FARP1: variants seen among roughly 807,000 people sequenced by gnomAD.
The protein encoded by FARP1 is FERM, ARH/RhoGEF and pleckstrin domain protein 1, also known as FERM, ARHGEF and pleckstrin domain-containing protein 1.
Under a neutral mutation model 128.8 loss-of-function variants are expected in FARP1, and 52 were observed. That is an observed-to-expected ratio of 0.40 (90% CI 0.32 to 0.51). The LOEUF (loss-of-function observed/expected upper bound fraction) is 0.51, where lower values mean the gene tolerates loss of function less well. Ranked by LOEUF, FARP1 falls within the 20% of genes least tolerant of loss-of-function variation. The probability of loss-of-function intolerance (pLI) is 0.45; values close to 1 mark genes in which losing one functional copy is unlikely to be tolerated. For synonymous variants in FARP1, 580 were observed against 551.8 expected, an observed-to-expected ratio of 1.05 and a Z score of -0.72; for missense variants, 1,333 against 1,367.9, an observed-to-expected ratio of 0.97 and a Z score of 0.40.
intron 6 of FARP1, chr13:98,384,002 C>T (rs1180138663): frequency 6.6e-6 from 1 of 152,180 alleles, no homozygotes; most frequent in African/African-American, 2.4e-5. Context: ...TTGCACTAGT[C>T]ATTGCTAATA....
At position 98,397,919 on chromosome 13, in the gene FARP1, A is replaced by AAAAAAAAAAGAAAG. The variant is rs61501785; in HGVS notation, c.1414+2443_1414+2444insAAAAAAAAAGAAAG. The AAAAAAAAAAGAAAG allele has an allele frequency of 4.8e-5, 6 of 124,304 alleles. 2 individuals are homozygous for AAAAAAAAAAGAAAG. The highest frequency in any genetic ancestry group is 5.0e-5 in the Non-Finnish European group (3 of 59,720). 7.7% of individuals were successfully genotyped at this position (124,304 alleles called of 1,614,324 possible). On this transcript the variant is annotated intron_variant, in intron 13 of 26. Coordinates refer to ENST00000319562, the MANE Select transcript of FARP1 (RefSeq NM_005766.4). ...TTTTTTGAAAAAAAAAAAAAAAAAA[A>AAAAAAAAAAGAAAG]GATAAATTGTAGAATAAAATTTTTA...
intron 2 of FARP1, among the ~76,000 whole-genome samples, chr13:98,287,637 A>G (rs972114006): frequency 6.6e-6 from 1 of 152,080 alleles, no homozygotes; most frequent in East Asian, 1.9e-4. Context: ...TTAAAAGCAC[A>G]TATTTCAACA....
At chr13:98,394,367 G>A (rs999793086) in intron 12 of FARP1, among the ~76,000 whole-genome samples, 4 of 152,244 alleles carry the variant, frequency 2.6e-5, no homozygotes, top group South Asian at 2.1e-4. Context: ...GCTGCCCTGA[G>A]AAGTATAAGC....
Position 98,438,822 on chromosome 13 carries a change from A to G in FARP1, c.2293A>G (p.Ser765Gly), listed in dbSNP as rs774490653. 14 of 1,612,818 alleles carry G rather than the reference A, an allele frequency of 8.7e-6. No individual in the cohort carries two copies. The highest frequency in any genetic ancestry group is 1.2e-5 in the Non-Finnish European group (14 of 1,179,972). Residue 765 changes from serine (S) to glycine (G), a missense_variant, in exon 20 of 27, where the codon AGC becomes GGC. By Grantham distance (56) the Ser-to-Gly change is moderately conservative (BLOSUM62 0). Coordinates refer to ENST00000319562, the MANE Select transcript of FARP1 (RefSeq NM_005766.4). ...VPGREFIRLG[S>G]LSKLSGKGLQ... Reference sequence around the variant, plus strand: ...CCTGCAGGAGTTCATCCGTCTGGGCAGCCTCAGCAAGCTCTCGGGGAAGGG... The same window carrying G: ...CCTGCAGGAGTTCATCCGTCTGGGCGGCCTCAGCAAGCTCTCGGGGAAGGG...
At chr13:98,246,201 T>C (rs375506634) in intron 2 of FARP1, among the ~76,000 whole-genome samples, 3,844 of 144,842 alleles carry the variant, frequency 0.027, 75 homozygotes, top group Middle Eastern at 0.05. Context: ...GTTCACGCCA[T>C]TCTCCTGCCT....
intron 6 of FARP1, chr13:98,383,722 A>C (rs1889978014): frequency 1.3e-5 from 2 of 152,214 alleles, no homozygotes; most frequent in South Asian, 4.1e-4. Context: ...GTGTACATTG[A>C]CCTTGAACTA....
intron 18 of FARP1, chr13:98,434,883 A>T (rs1337167702): frequency 1.3e-5 from 2 of 152,240 alleles, no homozygotes; most frequent in Non-Finnish European, 2.9e-5. Flanking sequence ...AATCCCAGCT[A>T]CTCGGGAGGC....
chr13:98,268,474 C>A (rs1884234221), intron 2 of FARP1, among the ~76,000 whole-genome samples: 1 of 152,084 alleles, frequency 6.6e-6, no homozygotes, highest in African/African-American at 2.4e-5. Flanking sequence ...TCTCCCTTCT[C>A]TTTTATTTTT....
chr13:98,161,528 C>T lies in FARP1; in HGVS notation c.-24+18036C>T, dbSNP rs565883015. ...CACCATGCTCGGCAGCTTCAGTAGTCTTTAAGTCAACATGATTGAGGTCAA... is the reference window on the plus strand; with the variant it reads ...CACCATGCTCGGCAGCTTCAGTAGTTTTTAAGTCAACATGATTGAGGTCAA... On this transcript the variant is annotated intron_variant, in intron 1 of 26. Coordinates refer to ENST00000319562, the MANE Select transcript of FARP1 (RefSeq NM_005766.4). Among the ~76,000 whole-genome samples, 8 of 151,970 alleles carry T rather than the reference C, an allele frequency of 5.3e-5. No homozygotes were observed. In the South Asian group the frequency reaches 1.7e-3, roughly 32 times the overall value.
chr13:98,269,881 C>T (rs1292092143), intron 2 of FARP1, among the ~76,000 whole-genome samples: 1 of 152,062 alleles, frequency 6.6e-6, no homozygotes, highest in Admixed American at 6.5e-5. Context: ...TTTGGAAGGC[C>T]GAGGTGGGTG....
chr13:98,288,144 C>G (rs4772066), intron 2 of FARP1, among the ~76,000 whole-genome samples: 101,322 of 152,042 alleles, frequency 0.67, 34,178 homozygotes, highest in Middle Eastern at 0.73. Context: ...TGAACAAAAC[C>G]CATGCAGTCC....
chr13:98,382,927 G>T (rs1468475270), intron 6 of FARP1, among the ~76,000 whole-genome samples: 1 of 152,168 alleles, frequency 6.6e-6, no homozygotes, highest in Non-Finnish European at 1.5e-5. Context: ...TGTTAGGTAA[G>T]CATCGTTCAG....
At chr13:98,159,646 T>G (rs1377451695) in intron 1 of FARP1, 1 of 152,004 alleles carries the variant, frequency 6.6e-6, no homozygotes, top group Non-Finnish European at 1.5e-5. Context: ...TAATTTTGTA[T>G]TTTTAGTAGA....
intron 2 of FARP1, among the ~76,000 whole-genome samples, chr13:98,215,800 T>C (rs1284178134): frequency 6.6e-6 from 1 of 151,906 alleles, no homozygotes; most frequent in Non-Finnish European, 1.5e-5. Context: ...TTTTTCTCTT[T>C]TTTTTTTTTG....
In FARP1 at chr13:98,268,045, C is replaced by T. The variant is rs192342736; in HGVS notation, c.171+54632C>T. On this transcript the variant is annotated intron_variant, in intron 2 of 26. Coordinates refer to ENST00000319562, the MANE Select transcript of FARP1 (RefSeq NM_005766.4). ...ATTACATACAGGCACATTGTTCGAC[C>T]TCCAGAACTTTTTCACGCTGCAGAA... 6.6e-5 allele frequency among the ~76,000 whole-genome samples: 10 copies of T among 152,282 alleles called. No homozygotes were observed. In the East Asian group the frequency reaches 1.7e-3, roughly 26 times the overall value.
At chr13:98,343,286 A>G (rs540617329) in intron 2 of FARP1, among the ~76,000 whole-genome samples, 1 of 152,324 alleles carries the variant, frequency 6.6e-6, no homozygotes, top group African/African-American at 2.4e-5. Flanking sequence ...TGTAATGCAG[A>G]CGGGTCACAA....
At chr13:98,275,628 CT>C (rs201108793) in intron 2 of FARP1, among the ~76,000 whole-genome samples, 6,312 of 67,024 alleles carry the variant, frequency 0.094, 316 homozygotes, top group African/African-American at 0.24. Flanking sequence ...CTCTTTCTCT[CT>C]TTTTTTTTTT....
chr13:98,296,522 C>A lies in FARP1; in HGVS notation c.172-47240C>A, dbSNP rs1169380208. On this transcript the variant is annotated intron_variant, in intron 2 of 26. Transcript: ENST00000319562. ...GATCTGTGAAGACAGGGACCCCCCG[C>A]TCTTCATGCACATCCTCCACTCCTA... Among the ~76,000 whole-genome samples the A allele has an allele frequency of 1.0e-4, 15 of 148,392 alleles. No homozygotes were observed. The South Asian group carries it at 2.6e-3, about 26-fold the overall frequency.
intron 2 of FARP1, chr13:98,244,408 C>T (rs1594315041): frequency 7.9e-7 from 1 of 1,271,008 alleles, no homozygotes; most frequent in Non-Finnish European, 1.1e-6. Flanking sequence ...TTTGCTGTGT[C>T]TCTTTATTGT....
Sources: gnomAD v4.1 joint callset for allele counts (sites outside exome capture counted in the v4.1 genomes callset) on GRCh38, gnomAD v4.1.1 for gene constraint, MANE v1.5 for transcripts, NCBI Gene and HGNC (gene_info 2026-07-23, HGNC 2026-07-21) for gene names.